Variants in EXOC6B observed in about 807,000 individuals in gnomAD.
The protein encoded by EXOC6B is exocyst complex component 6B.
A neutral mutation model predicts 113.5 loss-of-function variants in EXOC6B; 54 were observed. That is an observed-to-expected ratio of 0.48 (90% CI 0.38 to 0.60). The LOEUF (loss-of-function observed/expected upper bound fraction) is 0.60. EXOC6B is among the 20% of genes least tolerant of loss of function. The pLI, the probability that EXOC6B is intolerant of heterozygous loss-of-function variation, is 0.00. For synonymous variants in EXOC6B, 357 were observed against 339.0 expected, an observed-to-expected ratio of 1.05 and a Z score of -0.58; for missense variants, 797 against 977.5, an observed-to-expected ratio of 0.82 and a Z score of 2.46.
Position 72,452,196 on chromosome 2 carries a change from A to T in EXOC6B, c.1980+12964T>A, listed in dbSNP as rs1017361633. 2.0e-5 allele frequency among the ~76,000 whole-genome samples: 3 copies of T among 152,214 alleles called. No individual in the cohort carries two copies. The East Asian group carries it at 5.8e-4, about 29-fold the overall frequency. ...GAATTATAAGAAATACATATTTATA[A>T]TAAAGAGCTGTGATCAAAATAGATG... On this transcript the variant is annotated intron_variant, in intron 18 of 21. Transcript: ENST00000272427.
At chr2:72,662,582 A>G (rs1675101394) in intron 6 of EXOC6B, among the ~76,000 whole-genome samples, 1 of 152,220 alleles carries the variant, frequency 6.6e-6, no homozygotes, top group East Asian at 1.9e-4. Flanking sequence ...TTAGCCATTA[A>G]AGAAATGCAA....
chr2:72,681,028 C>A (rs1050754131), intron 6 of EXOC6B, among the ~76,000 whole-genome samples: 2 of 152,150 alleles, frequency 1.3e-5, no homozygotes, highest in African/African-American at 4.8e-5. Context: ...CACACACACC[C>A]GCTTACATAC....
intron 6 of EXOC6B, among the ~76,000 whole-genome samples, chr2:72,686,042 A>G (rs555173366): frequency 6.6e-6 from 1 of 152,224 alleles, no homozygotes; most frequent in Non-Finnish European, 1.5e-5. Context: ...TTCTCACGAC[A>G]GTGGCACCAA....
intron 6 of EXOC6B, among the ~76,000 whole-genome samples, chr2:72,633,992 A>G (rs1672657247): frequency 6.6e-6 from 1 of 152,190 alleles, no homozygotes; most frequent in African/African-American, 2.4e-5. Flanking sequence ...TTTAAAATAA[A>G]TAGGAGAGTA....
chr2:72,382,327 A>C (rs1691731663), intron 18 of EXOC6B, among the ~76,000 whole-genome samples: 1 of 152,162 alleles, frequency 6.6e-6, no homozygotes, highest in African/African-American at 2.4e-5. Flanking sequence ...GCTTTGTCGA[A>C]GATCAGATGG....
chr2:72,823,841 C>T (rs1573857151), intron 1 of EXOC6B, among the ~76,000 whole-genome samples: 1 of 151,788 alleles, frequency 6.6e-6, no homozygotes, highest in South Asian at 2.1e-4. Context: ...TTTGTCTTGT[C>T]ATTATTACCT....
chr2:72,408,279 G>A (rs907752124), intron 18 of EXOC6B, among the ~76,000 whole-genome samples: 2 of 152,122 alleles, frequency 1.3e-5, no homozygotes, highest in African/African-American at 4.8e-5. Flanking sequence ...TCGTGAAAAT[G>A]GCCATACTGC....
chr2:72,751,778 A>T (rs981468543), intron 1 of EXOC6B, among the ~76,000 whole-genome samples: 1 of 152,138 alleles, frequency 6.6e-6, no homozygotes, highest in Non-Finnish European at 1.5e-5. Context: ...GTTTAATGGG[A>T]GCTCCAGTAA....
At chr2:72,530,484 G>A (rs1212416299) in intron 8 of EXOC6B, among the ~76,000 whole-genome samples, 4 of 152,082 alleles carry the variant, frequency 2.6e-5, no homozygotes, top group Non-Finnish European at 4.4e-5. Context: ...ATTTGTTGAG[G>A]TCTGTTTGGC....
intron 6 of EXOC6B, among the ~76,000 whole-genome samples, chr2:72,695,786 G>T (rs1488889353): frequency 6.6e-6 from 1 of 152,152 alleles, no homozygotes; most frequent in Admixed American, 6.5e-5. Flanking sequence ...TATCTTAGGT[G>T]TCATTTACTA....
chr2:72,252,548 C>A (rs572958316), intron 20 of EXOC6B, among the ~76,000 whole-genome samples: 1 of 152,260 alleles, frequency 6.6e-6, no homozygotes, highest in African/African-American at 2.4e-5. Context: ...GATTTGGGTT[C>A]ACATCTTGGT....
chr2:72,448,623 G>A (rs550833708), intron 18 of EXOC6B, among the ~76,000 whole-genome samples: 2 of 152,034 alleles, frequency 1.3e-5, no homozygotes, highest in Admixed American at 6.5e-5. Flanking sequence ...CAAGTTATAT[G>A]TTATTTTATA....
At chr2:72,214,347 C>T (rs62147581) in intron 20 of EXOC6B, among the ~76,000 whole-genome samples, 10,742 of 151,868 alleles carry the variant, frequency 0.071, 512 homozygotes, top group African/African-American at 0.14. Context: ...CAAAATTAGC[C>T]GGGCGTGGTG....
At chr2:72,338,627 G>A (rs1572935663) in intron 19 of EXOC6B, among the ~76,000 whole-genome samples, 1 of 151,772 alleles carries the variant, frequency 6.6e-6, no homozygotes, top group Admixed American at 6.6e-5. Flanking sequence ...GTATGCCCTG[G>A]GAAACATGAT....
At chr2:72,247,519 G>A (rs1343915135) in intron 20 of EXOC6B, among the ~76,000 whole-genome samples, 1 of 152,192 alleles carries the variant, frequency 6.6e-6, no homozygotes, top group African/African-American at 2.4e-5. Context: ...CTCTTCCAAA[G>A]TTTCTCAAGG....
At chr2:72,582,551 T>TG (rs397802821) in intron 6 of EXOC6B, among the ~76,000 whole-genome samples, 10 of 151,424 alleles carry the variant, frequency 6.6e-5, no homozygotes, top group Non-Finnish European at 8.8e-5. Flanking sequence ...TTTTTTTTTT[T>TG]GAGATGGAGT....
At chr2:72,700,743 C>A (rs1218522849) in intron 6 of EXOC6B, among the ~76,000 whole-genome samples, 1 of 152,194 alleles carries the variant, frequency 6.6e-6, no homozygotes, top group Non-Finnish European at 1.5e-5. Context: ...GCAGGCAGAT[C>A]ACCTGAGGTC....
At chr2:72,305,439 C>A (rs1006104762) in intron 20 of EXOC6B, among the ~76,000 whole-genome samples, 3 of 151,826 alleles carry the variant, frequency 2.0e-5, no homozygotes, top group Admixed American at 6.6e-5. Flanking sequence ...CCCTTGTAAA[C>A]CCTGTGAAGG....
intron 20 of EXOC6B, among the ~76,000 whole-genome samples, chr2:72,283,076 G>GACTGCAGAA (rs1258811770): frequency 2.6e-5 from 4 of 152,072 alleles, no homozygotes; most frequent in African/African-American, 9.7e-5. Context: ...GATGTCTATA[G>GACTGCAGAA]AACACTACAC....
Sources: allele counts gnomAD v4.1 joint callset (sites outside exome capture counted in the v4.1 genomes callset), GRCh38; gene constraint gnomAD v4.1.1; transcripts MANE v1.5; gene names NCBI Gene and HGNC (gene_info 2026-07-23, HGNC 2026-07-21).